Variants in PIEZO2 observed in about 807,000 individuals in gnomAD.
PIEZO2 encodes the protein piezo type mechanosensitive ion channel component 2.
PIEZO2 carries 172 observed loss-of-function variants against 337.3 expected under a neutral mutation model. That is an observed-to-expected ratio of 0.51 (90% CI 0.45 to 0.58). The LOEUF is 0.58. Among genes scored for constraint, PIEZO2 ranks in the 20% least tolerant of loss-of-function variants. The pLI is 0.00. For synonymous variants in PIEZO2, 1,251 were observed against 1,228.5 expected (o/e 1.02, Z -0.38); for missense variants, 3,028 against 3,391.3 (o/e 0.89, Z 2.66).
rs145013609 is a variant in PIEZO2 at position 10,800,450 on chromosome 18, T to C, written c.1265A>G (p.Asn422Ser). 4.6e-6 allele frequency: 7 copies of C among 1,534,052 alleles called. No homozygotes were observed. The highest frequency in any genetic ancestry group is 4.0e-5 in the Admixed American group (2 of 50,400). Residue 422 changes from asparagine to serine, a missense_variant, in exon 11 of 56, where the codon AAC becomes AGC. Coordinates refer to ENST00000674853, the MANE Select transcript of PIEZO2 (RefSeq NM_001378183.1). ...SDGLLVTVNG[N>S]PVDYHTIHPS... Reference sequence around the variant, plus strand: ...GTGGATGGTGTGGTAATCCACGGGGTTGCCGTTCACAGTCACCAGCAGGCC... The same window carrying C: ...GTGGATGGTGTGGTAATCCACGGGGCTGCCGTTCACAGTCACCAGCAGGCC...
At chr18:10,972,855 T>C (rs1338261109) in intron 3 of PIEZO2, among the ~76,000 whole-genome samples, 1 of 152,204 alleles carries the variant, frequency 6.6e-6, no homozygotes, top group African/African-American at 2.4e-5. Context: ...CTTGTACTAT[T>C]TGACCACTTA....
Position 11,092,284 on chromosome 18 carries a change from C to T in PIEZO2, c.65-26062G>A, listed in dbSNP as rs545377551. On this transcript the variant is annotated intron_variant, in intron 1 of 55. Transcript: ENST00000674853. The surrounding 1 kb of genome is among the most constrained non-coding windows in gnomAD (Gnocchi z 4.5). ...TAAGAAAAGTCCATATTATGGAATA[C>T]TGTTCATCCATTTGAAATTAGCTTG... Among the ~76,000 whole-genome samples the T allele has an allele frequency of 2.6e-5, 4 of 152,270 alleles. 1 individual carries two copies. The South Asian group carries it at 8.3e-4, about 32-fold the overall frequency.
In PIEZO2 at chr18:11,002,312, C is replaced by A. The variant is rs1051729004; in HGVS notation, c.161-22652G>T. On this transcript the variant is annotated intron_variant, in intron 2 of 55. Coordinates refer to ENST00000674853, the MANE Select transcript of PIEZO2 (RefSeq NM_001378183.1). The surrounding 1 kb of genome is among the most constrained non-coding windows in gnomAD (Gnocchi z 4.3). ...GTCTATAGGCTGTAGTTTGCTGATCCCTGCTCTAGCTGGAGAAAGCATACT... is the reference window on the plus strand; with the variant it reads ...GTCTATAGGCTGTAGTTTGCTGATCACTGCTCTAGCTGGAGAAAGCATACT... Among the ~76,000 whole-genome samples the A allele has an allele frequency of 8.5e-5, 13 of 152,214 alleles. No individual in the cohort carries two copies. The highest frequency in any genetic ancestry group is 2.9e-4 in the African/African-American group (12 of 41,530).
intron 54 of PIEZO2, among the ~76,000 whole-genome samples, chr18:10,674,861 G>A (rs1214879617): frequency 1.3e-5 from 2 of 152,168 alleles, no homozygotes; most frequent in Admixed American, 6.5e-5. Flanking sequence ...TGTTCTTATT[G>A]TGAGGGGCAG....
chr18:10,947,727 C>G (rs2033099798), intron 3 of PIEZO2, among the ~76,000 whole-genome samples: 1 of 152,106 alleles, frequency 6.6e-6, no homozygotes, highest in Non-Finnish European at 1.5e-5. Flanking sequence ...TTAAGTAAAT[C>G]TCTTTGAAAG....
chr18:11,010,608 T>TTTTG (rs553829106), intron 2 of PIEZO2, among the ~76,000 whole-genome samples: 19 of 152,282 alleles, frequency 1.2e-4, no homozygotes, highest in East Asian at 5.8e-4. Flanking sequence ...TAGTCCTGTT[T>TTTTG]TTTGTTTGTT....
intron 1 of PIEZO2, among the ~76,000 whole-genome samples, chr18:11,091,327 T>G (rs144111247): frequency 0.016 from 2,265 of 143,068 alleles, 51 homozygotes; most frequent in African/African-American, 0.048. Context: ...GAGGTTGCAG[T>G]GAGTCCAGAT....
chr18:11,029,930 C>G (rs758616501), intron 2 of PIEZO2, among the ~76,000 whole-genome samples: 73 of 152,174 alleles, frequency 4.8e-4, no homozygotes, highest in Middle Eastern at 3.2e-3. Context: ...GCGTTCCCCA[C>G]TGAACTGCAA....
rs879707200 is a variant in PIEZO2 at position 10,698,011 on chromosome 18, A to ATGGATG, written c.6695-132_6695-131insCATCCA. ...GGACTGTTTGGGAGGATGAGTATGCACGGCCTTGGGATTTGTCCTCAACTC... is the reference window on the plus strand; with the variant it reads ...GGACTGTTTGGGAGGATGAGTATGCATGGATGCGGCCTTGGGATTTGTCCTCAACTC... On this transcript the variant is annotated intron_variant, in intron 44 of 55. Transcript: ENST00000674853. 47 of 214,374 alleles carry ATGGATG rather than the reference A, an allele frequency of 2.2e-4. No individual in the cohort carries two copies. The East Asian group carries it at 9.8e-3, about 45-fold the overall frequency. 13.3% of individuals were successfully genotyped at this position (214,374 alleles called of 1,614,324 possible). A position where few individuals can be genotyped will look rare whatever the true frequency, so the allele number is the denominator to read the frequency against.
chr18:11,141,561 G>A (rs1176805231), intron 1 of PIEZO2, among the ~76,000 whole-genome samples: 1 of 151,682 alleles, frequency 6.6e-6, no homozygotes, highest in East Asian at 1.9e-4. Context: ...GCAAAACTTA[G>A]AAGCGTGCCC....
intron 4 of PIEZO2, among the ~76,000 whole-genome samples, chr18:10,896,298 C>A (rs920774365): frequency 6.6e-6 from 1 of 152,020 alleles, no homozygotes; most frequent in African/African-American, 2.4e-5. Context: ...TGCTGGTGAC[C>A]ATCTGACAAT....
chr18:10,898,779 A>G (rs759150003), intron 4 of PIEZO2, among the ~76,000 whole-genome samples: 3 of 152,090 alleles, frequency 2.0e-5, no homozygotes, highest in Non-Finnish European at 2.9e-5. Flanking sequence ...GGAGAAGTGA[A>G]CATCAATCTT....
chr18:10,960,690 G>C (rs1035193567), intron 3 of PIEZO2, among the ~76,000 whole-genome samples: 9 of 152,072 alleles, frequency 5.9e-5, no homozygotes, highest in Non-Finnish European at 2.9e-5. Flanking sequence ...TAATTTAAAA[G>C]TTACATTCTA....
At chr18:11,030,114 A>G (rs760387019) in intron 2 of PIEZO2, among the ~76,000 whole-genome samples, 1 of 152,184 alleles carries the variant, frequency 6.6e-6, no homozygotes, top group African/African-American at 2.4e-5. Context: ...ATTTTAAAAG[A>G]CAAGCTACCA....
chr18:10,854,269 A>G lies in PIEZO2; in HGVS notation c.917+1084T>C, dbSNP rs889051044. 7.2e-5 allele frequency among the ~76,000 whole-genome samples: 11 copies of G among 152,220 alleles called. No homozygotes were observed. Among genetic ancestry groups the G allele is most frequent in the Non-Finnish European group, 1.3e-4 (9 of 68,048 alleles). ...ACTGAGAGGTGTGAAATGTTAAGCT[A>G]TCTCAGTTTTGATCATGTTGACTTC... On this transcript the variant is annotated intron_variant, in intron 7 of 55. Coordinates refer to ENST00000674853, the MANE Select transcript of PIEZO2 (RefSeq NM_001378183.1). This position sits in a 1 kb window ranked among gnomAD's most constrained non-coding sequence, Gnocchi z 4.6.
Position 11,066,201 on chromosome 18 carries a change from C to A in PIEZO2, c.86G>T (p.Gly29Val), listed in dbSNP as rs772178114. 9.8e-5 allele frequency: 150 copies of A among 1,536,628 alleles called. No individual in the cohort carries two copies. The highest frequency in any genetic ancestry group is 1.2e-4 in the Non-Finnish European group (139 of 1,146,636). The change falls in exon 2 of 56, where the codon GGG becomes GTG. Residue 29 changes from glycine (G) to valine (V), a missense_variant. Physicochemically the swap from Gly to Val is moderately radical, Grantham distance 109. Around this residue, in one of 5 missense-constraint regions of PIEZO2, gnomAD observed 542 missense variants for 605.6 expected, o/e 0.89. Coordinates refer to ENST00000674853, the MANE Select transcript of PIEZO2 (RefSeq NM_001378183.1). Reference protein sequence around the residue: ...LAVACAFRYNGLSFVYLIYLL... With the variant: ...LAVACAFRYNVLSFVYLIYLL... ...GTAGATAAGGTAGACAAAGGAGAGC[C>A]CATTGTATCGGAATGCACATGCTGT...
chr18:10,964,482 A>G (rs1327605459), intron 3 of PIEZO2, among the ~76,000 whole-genome samples: 1 of 152,068 alleles, frequency 6.6e-6, no homozygotes, highest in Non-Finnish European at 1.5e-5. Flanking sequence ...CACTATTTTT[A>G]AAAAAGCATT....
At chr18:11,019,808 T>C (rs2036248075) in intron 2 of PIEZO2, among the ~76,000 whole-genome samples, 1 of 152,232 alleles carries the variant, frequency 6.6e-6, no homozygotes, top group Admixed American at 6.5e-5. Flanking sequence ...TCTCATCATC[T>C]TGTTTGTTTT....
intron 1 of PIEZO2, among the ~76,000 whole-genome samples, chr18:11,130,803 G>A (rs975847487): frequency 2.6e-5 from 4 of 152,156 alleles, no homozygotes; most frequent in African/African-American, 9.7e-5. Context: ...GATTTTGGAG[G>A]CAACACATTC....
Sources: gnomAD v4.1 joint callset for allele counts (sites outside exome capture counted in the v4.1 genomes callset) on GRCh38, gnomAD v4.1.1 for gene constraint, gnomAD v4.1.1 regional missense constraint, Gnocchi (gnomAD v3.1) non-coding constraint, MANE v1.5 for transcripts, NCBI Gene and HGNC (gene_info 2026-07-23, HGNC 2026-07-21) for gene names.